ABLIM1: variants seen among roughly 807,000 people sequenced by gnomAD.
ABLIM1 encodes actin binding LIM protein 1, also known as actin-binding LIM protein 1.
In ABLIM1, 40 loss-of-function variants were observed where a neutral mutation model predicts 107.0. The ratio of observed to expected loss-of-function variants is 0.37; its 90% CI spans 0.29 to 0.49. ABLIM1 has a LOEUF of 0.49. Ranked by LOEUF, ABLIM1 falls within the 20% of genes least tolerant of loss-of-function variation. ABLIM1 has a pLI of 0.97. For synonymous variants in ABLIM1, 357 were observed against 357.3 expected, an observed-to-expected ratio of 1.00 and a Z score of 0.01; for missense variants, 857 against 1,008.5, an observed-to-expected ratio of 0.85 and a Z score of 2.04.
intron 1 of ABLIM1, among the ~76,000 whole-genome samples, chr10:114,636,389 C>G (rs2078481674): frequency 1.3e-5 from 2 of 152,146 alleles, no homozygotes; most frequent in African/African-American, 4.8e-5. Context: ...CTATCTATTT[C>G]TTTCTAAATG....
intron 1 of ABLIM1, among the ~76,000 whole-genome samples, chr10:114,692,918 C>A (rs1036201845): frequency 6.6e-5 from 10 of 152,100 alleles, no homozygotes; most frequent in Admixed American, 3.3e-4. Flanking sequence ...TGCATTTAAA[C>A]CTTGCAAAAT....
At chr10:114,789,369 T>C in the ABLIM1 span, among the ~76,000 whole-genome samples, 1 of 152,214 alleles carries the variant, frequency 6.6e-6, no homozygotes, top group African/African-American at 2.4e-5. Context: ...GGTCCAAGCA[T>C]CTTAATAGGC....
At chr10:114,798,013 T>G in the ABLIM1 span, among the ~76,000 whole-genome samples, 2 of 152,220 alleles carry the variant, frequency 1.3e-5, no homozygotes, top group South Asian at 2.1e-4. Context: ...ACTTATTTGC[T>G]ATTTTACTAT....
chr10:114,580,136 C>A (rs1409827206), intron 2 of ABLIM1, among the ~76,000 whole-genome samples: 1 of 150,990 alleles, frequency 6.6e-6, no homozygotes, highest in Non-Finnish European at 1.5e-5. Flanking sequence ...GCCCAGCCAT[C>A]TTATTCTGAC....
intron 1 of ABLIM1, among the ~76,000 whole-genome samples, chr10:114,737,870 A>C (rs953748737): frequency 1.6e-4 from 25 of 152,172 alleles, no homozygotes; most frequent in Non-Finnish European, 3.5e-4. Context: ...GAACCACTCT[A>C]GTAAAAAAGG....
Position 114,745,666 on chromosome 10 carries a change from TC to T in ABLIM1, c.-213+22394del, listed in dbSNP as rs1157616390. On this transcript the variant is annotated intron_variant, in intron 1 of 15. Transcript: ENST00000651092. ...GGGCAGATCACCTGAGGTCAGGAGT[TC>T]AAGACCAGCCTGGCCAACATGGTGA... Among the ~76,000 whole-genome samples, 6 of 152,236 alleles carry T rather than the reference TC, an allele frequency of 3.9e-5. No homozygotes were observed. The South Asian group carries it at 6.2e-4, about 16-fold the overall frequency.
chr10:114,437,491 G>A (rs989445556), intron 22 of ABLIM1, among the ~76,000 whole-genome samples: 3 of 149,424 alleles, frequency 2.0e-5, no homozygotes, highest in African/African-American at 7.7e-5. Flanking sequence ...GTGAATTTTT[G>A]TATTTTTAGT....
At chr10:114,515,054 C>A (rs1408237402) in intron 6 of ABLIM1, among the ~76,000 whole-genome samples, 1 of 152,212 alleles carries the variant, frequency 6.6e-6, no homozygotes, top group Non-Finnish European at 1.5e-5. Context: ...CAGGTCAATG[C>A]AGCAGGGGAT....
rs371771051 is a variant in ABLIM1, at chr10:114,657,931, T to C, written c.244+26A>G. On this transcript the variant is annotated intron_variant, in intron 1 of 22. Transcript: ENST00000533213. ...ACGCCAATCACAAAACACAAAACCA[T>C]GTCCAGAGAGGGTTATTTTACTTAC... 5.7e-6 allele frequency: 9 copies of C among 1,575,414 alleles called. No individual in the cohort carries two copies. The African/African-American group carries it at 1.1e-4, about 19-fold the overall frequency.
rs191530387 is a variant in ABLIM1, at chr10:114,690,300, A to T, written c.-213+77761T>A. On this transcript the variant is annotated intron_variant, in intron 1 of 15. Transcript: ENST00000651092. Reference sequence around the variant, plus strand: ...CAACCACTCACTCTTGGCAGTGCAGATGAAAAACTGGGAACCGTTTGTGTT... The same window carrying T: ...CAACCACTCACTCTTGGCAGTGCAGTTGAAAAACTGGGAACCGTTTGTGTT... 22 of 1,587,026 alleles carry T rather than the reference A, an allele frequency of 1.4e-5. No homozygotes were observed. In the Admixed American group the frequency reaches 3.5e-4, roughly 25 times the overall value.
At chr10:114,791,995 A>G in the ABLIM1 span, among the ~76,000 whole-genome samples, 1 of 152,204 alleles carries the variant, frequency 6.6e-6, no homozygotes, top group Non-Finnish European at 1.5e-5. Flanking sequence ...ATAATCCCCA[A>G]TGTGGAAATG....
chr10:114,498,307 A>G (rs2059961337), intron 6 of ABLIM1, among the ~76,000 whole-genome samples: 1 of 152,258 alleles, frequency 6.6e-6, no homozygotes, highest in South Asian at 2.1e-4. Flanking sequence ...TAGTGCTAAC[A>G]GAAGAGCAAT....
intron 1 of ABLIM1, among the ~76,000 whole-genome samples, chr10:114,709,507 A>G (rs1316641778): frequency 6.6e-6 from 1 of 152,230 alleles, no homozygotes; most frequent in Non-Finnish European, 1.5e-5. Flanking sequence ...TGAAATGGAG[A>G]TGATCAAAAT....
At chr10:114,468,345 G>GC (rs2133760585) in intron 10 of ABLIM1, 129 bp from the exon 11 acceptor site, 1 of 843,622 alleles carries the variant, frequency 1.2e-6, no homozygotes, top group East Asian at 2.7e-5. Flanking sequence ...CGCAATCTCG[G>GC]TTTACTGCAA....
the ABLIM1 span, among the ~76,000 whole-genome samples, chr10:114,775,395 G>T: frequency 1.3e-5 from 2 of 152,228 alleles, no homozygotes; most frequent in African/African-American, 2.4e-5. Flanking sequence ...GGGATCAGGA[G>T]ATGCAACTGG....
chr10:114,563,261 G>A (rs1017277496), intron 4 of ABLIM1, among the ~76,000 whole-genome samples: 5 of 152,178 alleles, frequency 3.3e-5, no homozygotes, highest in Admixed American at 6.5e-5. Context: ...TAATATGTGT[G>A]TTGTTTTTCA....
At chr10:114,623,564 G>A (rs559388457) in intron 1 of ABLIM1, among the ~76,000 whole-genome samples, 19 of 152,266 alleles carry the variant, frequency 1.2e-4, no homozygotes, top group African/African-American at 4.6e-4. Context: ...TGTAGGGCTG[G>A]TCATTTTACC....
intron 1 of ABLIM1, among the ~76,000 whole-genome samples, chr10:114,753,992 C>T (rs1288426335): frequency 2.0e-5 from 3 of 152,210 alleles, no homozygotes; most frequent in African/African-American, 4.8e-5. Context: ...GCTGGGACTA[C>T]AGGCACATGC....
intron 6 of ABLIM1, among the ~76,000 whole-genome samples, chr10:114,517,199 G>A (rs1314273016): frequency 6.6e-6 from 1 of 152,142 alleles, no homozygotes; most frequent in Non-Finnish European, 1.5e-5. Context: ...TGTAATTAAG[G>A]TAAGGGTGTT....
Sources: gnomAD v4.1 joint callset for allele counts (sites outside exome capture counted in the v4.1 genomes callset) on GRCh38, gnomAD v4.1.1 for gene constraint, MANE v1.5 for transcripts, NCBI Gene and HGNC (gene_info 2026-07-23, HGNC 2026-07-21) for gene names.